Variants in IMMT observed in about 807,000 individuals in gnomAD.
The protein encoded by IMMT is inner membrane mitochondrial protein, also known as MICOS complex subunit MIC60.
In IMMT, 40 loss-of-function variants were observed where a neutral mutation model predicts 92.7. The ratio of observed to expected loss-of-function variants is 0.43; its 90% CI spans 0.34 to 0.56. The LOEUF is 0.56. IMMT is among the 20% of genes least tolerant of loss of function. The pLI is 0.03. For missense variants in IMMT, 831 were observed against 912.1 expected, an observed-to-expected ratio of 0.91 and a Z score of 1.14; for synonymous variants, 322 against 336.1, an observed-to-expected ratio of 0.96 and a Z score of 0.46.
intron 12 of IMMT, among the ~76,000 whole-genome samples, chr2:86,149,783 G>A (rs952921179): frequency 6.6e-6 from 1 of 151,642 alleles, no homozygotes. Context: ...GAGGCTGAGA[G>A]GCACAAGAAT....
chr2:86,161,846 C>A, intron 8 of IMMT, 130 bp downstream of exon 8: 1 of 656,474 alleles, frequency 1.5e-6, no homozygotes, highest in Non-Finnish European at 2.7e-6. Flanking sequence ...TCAGAACAAG[C>A]ACAGGTGGAA....
At chr2:86,188,335 A>G (rs1052515802) in intron 1 of IMMT, among the ~76,000 whole-genome samples, 12 of 152,096 alleles carry the variant, frequency 7.9e-5, no homozygotes, top group African/African-American at 1.9e-4. Context: ...AGCCATCTGT[A>G]TATCTGCTTT....
intron 1 of IMMT, among the ~76,000 whole-genome samples, chr2:86,190,334 C>G (rs1673040713): frequency 6.6e-6 from 1 of 152,230 alleles, no homozygotes; most frequent in Non-Finnish European, 1.5e-5. Flanking sequence ...CCTAAACTAG[C>G]TGGGTTATCA....
intron 12 of IMMT, among the ~76,000 whole-genome samples, chr2:86,148,520 G>A (rs1366301143): frequency 6.6e-6 from 1 of 152,172 alleles, no homozygotes; most frequent in Non-Finnish European, 1.5e-5. Flanking sequence ...GCTGAGGCAG[G>A]AGAATGGCGT....
Position 86,195,389 on chromosome 2 carries a change from C to G in IMMT, c.-7G>C. ...ACTGACAGGCCCGCAGCATCTCGGT[C>G]AAGCGGACGGCGCTGCTGGTGGACT... On this transcript the variant is annotated 5_prime_UTR_variant, in exon 1 of 15. Coordinates refer to ENST00000410111, the MANE Select transcript of IMMT (RefSeq NM_006839.3). 1 of 1,548,446 alleles carries G rather than the reference C, an allele frequency of 6.5e-7. No individual in the cohort carries two copies. Among genetic ancestry groups the G allele is most frequent in the Non-Finnish European group, 8.7e-7 (1 of 1,145,966 alleles).
intron 6 of IMMT, 64 bp from the exon 7 acceptor site, chr2:86,166,708 G>A: frequency 6.9e-7 from 1 of 1,448,056 alleles, no homozygotes; most frequent in Non-Finnish European, 9.2e-7. Context: ...TTAAACTTTT[G>A]CTGTTCTCCT....
intron 1 of IMMT, among the ~76,000 whole-genome samples, chr2:86,187,988 C>T (rs1330783787): frequency 6.6e-6 from 1 of 151,986 alleles, no homozygotes; most frequent in South Asian, 2.1e-4. Context: ...TACATTCCCA[C>T]TAGCAATGTA....
rs76101146 is a variant in IMMT, at chr2:86,175,818, A to C, written c.310-2057T>G. On this transcript the variant is annotated intron_variant, in intron 3 of 14. Coordinates refer to ENST00000410111, the MANE Select transcript of IMMT (RefSeq NM_006839.3). ...GTACAGTGAAGGATGCAGCCCCTGA[A>C]GAGAACATTAATAAGCGAAGGAAAG... is the stretch of plus-strand genomic sequence containing the variant. Among the ~76,000 whole-genome samples the C allele has an allele frequency of 4.8e-3, 736 of 152,284 alleles. 9 individuals carry two copies. Among genetic ancestry groups the C allele is most frequent in the African/African-American group, 0.017 (711 of 41,552 alleles).
intron 6 of IMMT, among the ~76,000 whole-genome samples, chr2:86,169,134 C>G (rs1310334804): frequency 2.6e-5 from 4 of 152,156 alleles, no homozygotes; most frequent in Admixed American, 1.3e-4. Context: ...TGAAAATTTT[C>G]ACTTTGCCCA....
At chr2:86,157,998 G>A (rs1675985035) in intron 10 of IMMT, among the ~76,000 whole-genome samples, 1 of 152,060 alleles carries the variant, frequency 6.6e-6, no homozygotes, top group Non-Finnish European at 1.5e-5. Context: ...GGTGATCTCT[G>A]TGATTCTTAG....
chr2:86,143,957 C>T lies in IMMT; in HGVS notation c.*311G>A. ...TCAGTTTTCATCTTGTTGCTTTATT[C>T]AGTTTGCTCCGAGGGCAAAATCAAC... On this transcript the variant is annotated 3_prime_UTR_variant, in exon 15 of 15. Coordinates refer to ENST00000410111, the MANE Select transcript of IMMT (RefSeq NM_006839.3). The T allele has an allele frequency of 4.8e-6, 2 of 415,252 alleles. No homozygotes were observed. Among genetic ancestry groups the T allele is most frequent in the Admixed American group, 3.9e-5 (1 of 25,664 alleles). 25.7% of individuals were successfully genotyped at this position (415,252 alleles called of 1,614,324 possible). A position where few individuals can be genotyped will look rare whatever the true frequency, so the allele number is the denominator to read the frequency against.
At chr2:86,189,065 GCTA>G (rs1032557722) in intron 1 of IMMT, among the ~76,000 whole-genome samples, 3 of 151,938 alleles carry the variant, frequency 2.0e-5, no homozygotes, top group African/African-American at 7.3e-5. Flanking sequence ...CAAAATATTG[GCTA>G]CTTTTTTGTC....
At chr2:86,167,089 C>G (rs1406249354) in intron 6 of IMMT, among the ~76,000 whole-genome samples, 1 of 141,604 alleles carries the variant, frequency 7.1e-6, no homozygotes, top group Non-Finnish European at 1.5e-5. Context: ...CAGAGCGAGA[C>G]TCTCTCAAAA....
chr2:86,145,015 C>G (rs2104498171), intron 14 of IMMT, 134 bp from the exon 15 acceptor site: 9 of 989,334 alleles, frequency 9.1e-6, no homozygotes, highest in Middle Eastern at 6.5e-4. Context: ...CTTACAACCC[C>G]ACCCCCACCA....
Position 86,175,381 on chromosome 2 carries a change from AAT to A in IMMT, c.310-1622_310-1621del, listed in dbSNP as rs1331033836. On this transcript the variant is annotated intron_variant, in intron 3 of 14. Coordinates refer to ENST00000410111, the MANE Select transcript of IMMT (RefSeq NM_006839.3). ...AATATATACATATACATTTCTCTCA[AAT>A]ATATATATATGTATGTCATATATAT... is the stretch of plus-strand genomic sequence containing the variant. Among the ~76,000 whole-genome samples, 5 of 151,726 alleles carry A rather than the reference AAT, an allele frequency of 3.3e-5. No homozygotes were observed. In the East Asian group the frequency reaches 5.8e-4, roughly 18 times the overall value.
intron 11 of IMMT, among the ~76,000 whole-genome samples, chr2:86,152,047 T>C (rs1675499138): frequency 1.3e-5 from 2 of 152,214 alleles, no homozygotes; most frequent in Admixed American, 6.5e-5. Flanking sequence ...CTGCAAAGCT[T>C]TTTAAAATAC....
chr2:86,180,940 C>A (rs1672397931), intron 2 of IMMT, among the ~76,000 whole-genome samples: 1 of 151,708 alleles, frequency 6.6e-6, no homozygotes, highest in Non-Finnish European at 1.5e-5. Context: ...TTAACACTTG[C>A]TTAAGTCACA....
At chr2:86,191,632 G>A (rs537431316) in intron 1 of IMMT, among the ~76,000 whole-genome samples, 7 of 152,108 alleles carry the variant, frequency 4.6e-5, no homozygotes, top group South Asian at 4.1e-4. Flanking sequence ...AGCCAGGCGC[G>A]GTGGCTCACG....
chr2:86,174,179 TTTTG>T (rs895210873), intron 3 of IMMT, among the ~76,000 whole-genome samples: 1 of 152,200 alleles, frequency 6.6e-6, no homozygotes, highest in Admixed American at 6.5e-5. Flanking sequence ...TACAAATGAA[TTTTG>T]TTTCTTTGAT....
Sources: gnomAD v4.1 joint callset for allele counts (sites outside exome capture counted in the v4.1 genomes callset) on GRCh38, gnomAD v4.1.1 for gene constraint, MANE v1.5 for transcripts, NCBI Gene and HGNC (gene_info 2026-07-23, HGNC 2026-07-21) for gene names.